IQSEC1: variants seen among roughly 807,000 people sequenced by gnomAD.
IQSEC1 encodes IQ motif and Sec7 domain ArfGEF 1.
Under a neutral mutation model 91.0 loss-of-function variants are expected in IQSEC1, and 31 were observed. That is an observed-to-expected ratio of 0.34 (90% CI 0.26 to 0.46). The LOEUF (loss-of-function observed/expected upper bound fraction) is 0.46. IQSEC1 is among the 20% of genes least tolerant of loss of function. The probability of loss-of-function intolerance (pLI) is 1.00; values close to 1 mark genes in which losing one functional copy is unlikely to be tolerated. For synonymous variants in IQSEC1, 699 were observed against 662.6 expected, an observed-to-expected ratio of 1.05 and a Z score of -0.84; for missense variants, 1,388 against 1,575.6, an observed-to-expected ratio of 0.88 and a Z score of 2.02.
At chr3:13,021,783 T>C (rs1188938157) in intron 1 of IQSEC1, among the ~76,000 whole-genome samples, 2 of 152,242 alleles carry the variant, frequency 1.3e-5, no homozygotes, top group African/African-American at 4.8e-5. Context: ...TAACACATGC[T>C]GCACCTGCCC....
intron 2 of IQSEC1, among the ~76,000 whole-genome samples, chr3:13,084,962 G>C: frequency 6.6e-6 from 1 of 151,872 alleles, no homozygotes; most frequent in Non-Finnish European, 1.5e-5. Context: ...AAACAGCCTC[G>C]GGGTGGGGTG....
intron 1 of IQSEC1, among the ~76,000 whole-genome samples, chr3:12,969,648 C>A (rs1700799592): frequency 6.6e-6 from 1 of 152,314 alleles, no homozygotes; most frequent in Non-Finnish European, 1.5e-5. Context: ...AATAATTCCC[C>A]CAGCCCAGCT....
chr3:12,903,430 G>A (rs62242668), intron 12 of IQSEC1, among the ~76,000 whole-genome samples: 1 of 152,252 alleles, frequency 6.6e-6, no homozygotes, highest in Admixed American at 6.5e-5. Flanking sequence ...AGGGGCAGGA[G>A]ACAGGGTTGG....
chr3:13,100,497 C>A (rs1300232213), intron 2 of IQSEC1, among the ~76,000 whole-genome samples: 1 of 148,738 alleles, frequency 6.7e-6, no homozygotes, highest in Non-Finnish European at 1.5e-5. Flanking sequence ...CAGCATGGAC[C>A]AACTTCCTGA....
intron 1 of IQSEC1, among the ~76,000 whole-genome samples, chr3:13,209,751 G>A (rs6768994): frequency 0.065 from 9,890 of 152,250 alleles, 393 homozygotes; most frequent in African/African-American, 0.087. Flanking sequence ...GAGCCTGAGC[G>A]TGAATAATCC....
chr3:13,152,988 C>A (rs752280630), intron 2 of IQSEC1, among the ~76,000 whole-genome samples: 3 of 152,108 alleles, frequency 2.0e-5, no homozygotes, highest in Non-Finnish European at 4.4e-5. Flanking sequence ...CCAGTGAATA[C>A]CTCTGGGCTG....
intron 1 of IQSEC1, among the ~76,000 whole-genome samples, chr3:13,032,907 G>T (rs948225417): frequency 2.6e-5 from 4 of 152,158 alleles, no homozygotes; most frequent in African/African-American, 9.7e-5. Flanking sequence ...GCCCCACATT[G>T]GTCGATCTGT....
At position 12,985,843 on chromosome 3, in the gene IQSEC1, T is replaced by G. The variant is rs544375071; in HGVS notation, c.24-43978A>C. Among the ~76,000 whole-genome samples, 62 of 152,356 alleles carry G rather than the reference T, an allele frequency of 4.1e-4. 1 individual carries two copies. The highest frequency in any genetic ancestry group is 1.4e-3 in the Admixed American group (22 of 15,312). The stretch of plus-strand genomic sequence containing the variant: ...ATGTTTAAGATTTTCATCATGGGCC[T>G]GTATTTCCTAAGCAAATATTAAATT... On this transcript the variant is annotated intron_variant, in intron 1 of 13. Transcript: ENST00000613206.
intron 1 of IQSEC1, among the ~76,000 whole-genome samples, chr3:13,225,082 A>G (rs1224984334): frequency 6.6e-6 from 1 of 152,246 alleles, no homozygotes; most frequent in Non-Finnish European, 1.5e-5. Context: ...CTAGAAAGTT[A>G]ACCCGAGATC....
intron 1 of IQSEC1, among the ~76,000 whole-genome samples, chr3:12,999,134 C>T (rs1341945324): frequency 6.6e-6 from 1 of 152,162 alleles, no homozygotes. Flanking sequence ...CTGTGGCACT[C>T]AGGATGACTC....
At chr3:13,215,607 T>A (rs1559279048) in intron 1 of IQSEC1, among the ~76,000 whole-genome samples, 1 of 152,166 alleles carries the variant, frequency 6.6e-6, no homozygotes, top group South Asian at 2.1e-4. Flanking sequence ...GTTGCACAGA[T>A]AATAAAACAC....
chr3:13,128,894 A>AAT (rs1706562605), intron 2 of IQSEC1, among the ~76,000 whole-genome samples: 1 of 151,752 alleles, frequency 6.6e-6, no homozygotes, highest in African/African-American at 2.4e-5. Context: ...AAAAAAAAAA[A>AAT]AAAGAAATGT....
intron 1 of IQSEC1, among the ~76,000 whole-genome samples, chr3:12,977,314 C>T (rs1225472404): frequency 1.3e-5 from 2 of 151,234 alleles, no homozygotes; most frequent in African/African-American, 2.4e-5. Context: ...CACCACTGCA[C>T]TCCAGCCTGG....
intron 1 of IQSEC1, among the ~76,000 whole-genome samples, chr3:13,177,981 G>T (rs1471786823): frequency 6.6e-6 from 1 of 152,228 alleles, no homozygotes; most frequent in African/African-American, 2.4e-5. Flanking sequence ...GAAAGCCACA[G>T]CAACATCCCT....
chr3:13,140,898 G>A (rs909760313), intron 2 of IQSEC1, among the ~76,000 whole-genome samples: 1 of 152,170 alleles, frequency 6.6e-6, no homozygotes, highest in African/African-American at 2.4e-5. Flanking sequence ...AGAGTGTCCT[G>A]CCAGCGCTGG....
chr3:13,221,888 G>A (rs1021738908), intron 1 of IQSEC1, among the ~76,000 whole-genome samples: 3 of 152,250 alleles, frequency 2.0e-5, no homozygotes, highest in Non-Finnish European at 4.4e-5. Flanking sequence ...CTCCGAAAAT[G>A]AGCCAGTTTC....
chr3:12,985,735 A>C (rs933491925), intron 1 of IQSEC1, among the ~76,000 whole-genome samples: 1 of 152,166 alleles, frequency 6.6e-6, no homozygotes, highest in Non-Finnish European at 1.5e-5. Flanking sequence ...AAACGTTTAT[A>C]TGTTTTTGAC....
rs1048827466 is a variant in IQSEC1 at position 13,130,765 on chromosome 3, T to G, written c.302+33339A>C. ...CAGCCTGGGGAACATGGCGAAACCC[T>G]ATCTCTACAAAAAATAATAATACTA... On this transcript the variant is annotated intron_variant, in intron 2 of 15. Transcript: ENST00000648114. 5.9e-5 allele frequency among the ~76,000 whole-genome samples: 9 copies of G among 151,956 alleles called. 1 individual carries two copies. Among genetic ancestry groups the G allele is most frequent in the African/African-American group, 2.2e-4 (9 of 41,378 alleles).
chr3:13,131,037 A>AAGGAAGGAAAGGAAGGAAGGAAGG (rs144089637), intron 2 of IQSEC1, among the ~76,000 whole-genome samples: 2 of 143,792 alleles, frequency 1.4e-5, no homozygotes, highest in African/African-American at 5.2e-5. Context: ...GGAAGGAAGG[A>AAGGAAGGAAAGGAAGGAAGGAAGG]AAGGAAGGAA....
Sources: allele counts gnomAD v4.1 joint callset (sites outside exome capture counted in the v4.1 genomes callset), GRCh38; gene constraint gnomAD v4.1.1; transcripts MANE v1.5; gene names NCBI Gene and HGNC (gene_info 2026-07-23, HGNC 2026-07-21).